Variants in TRDN observed in about 807,000 individuals in gnomAD.
TRDN encodes the protein triadin, also known as triadin in skeletal muscle.
TRDN carries 161 observed loss-of-function variants against 149.7 expected under a neutral mutation model. The observed-to-expected ratio is 1.08, with a 90% CI of 0.95 to 1.23. The LOEUF is 1.23. Ranked by LOEUF, TRDN falls within the 50% of genes most tolerant of loss-of-function variation. The probability of loss-of-function intolerance (pLI) is 0.00; values close to 1 mark genes in which losing one functional copy is unlikely to be tolerated. For synonymous variants in TRDN, 294 were observed against 250.5 expected (o/e 1.17, Z -1.64); for missense variants, 896 against 823.5 (o/e 1.09, Z -1.08).
intron 10 of TRDN, among the ~76,000 whole-genome samples, chr6:123,461,207 A>T (rs189468160): frequency 5.9e-5 from 9 of 152,284 alleles, no homozygotes; most frequent in African/African-American, 2.2e-4. Flanking sequence ...TAAGAAGTCA[A>T]TTGATTTGTC....
Position 123,276,063 on chromosome 6 carries a change from A to G in TRDN, c.1568-1393T>C, listed in dbSNP as rs1246663537. Among the ~76,000 whole-genome samples, 3 of 152,124 alleles carry G rather than the reference A, an allele frequency of 2.0e-5. No homozygotes were observed. In the East Asian group the frequency reaches 5.8e-4, roughly 29 times the overall value. On this transcript the variant is annotated intron_variant, in intron 26 of 40. Transcript: ENST00000334268. ...GGGGAAGACAGCAGGCTAGCTGAAC[A>G]CTGCACGGAGCCTCTTTTATAATGG...
rs1323553340 is a variant in TRDN at position 123,426,214 on chromosome 6, T to C, written c.1051+11849A>G. Among the ~76,000 whole-genome samples, 4 of 152,160 alleles carry C rather than the reference T, an allele frequency of 2.6e-5. No homozygotes were observed. In the East Asian group the frequency reaches 7.7e-4, roughly 29 times the overall value. On this transcript the variant is annotated intron_variant, in intron 12 of 40. Coordinates refer to ENST00000334268, the MANE Select transcript of TRDN (RefSeq NM_006073.4). ...GTCAGAGCTTGTGAGAGATCTCTTCTAATTTTTATTTTCTGAGAAAAAAAG... is the reference window on the plus strand; with the variant it reads ...GTCAGAGCTTGTGAGAGATCTCTTCCAATTTTTATTTTCTGAGAAAAAAAG...
At chr6:123,617,357 GT>G (rs1583330120) in intron 1 of TRDN, among the ~76,000 whole-genome samples, 1 of 152,146 alleles carries the variant, frequency 6.6e-6, no homozygotes, top group East Asian at 1.9e-4. Flanking sequence ...ACAAGTCACA[GT>G]TTGTATTTCA....
At chr6:123,526,313 T>C (rs1779946288) in intron 5 of TRDN, among the ~76,000 whole-genome samples, 1 of 151,864 alleles carries the variant, frequency 6.6e-6, no homozygotes, top group South Asian at 2.1e-4. Context: ...TATGTACAAA[T>C]GCAAGCAGAT....
chr6:123,264,074 A>G (rs1475136205), intron 33 of TRDN, among the ~76,000 whole-genome samples: 1 of 152,084 alleles, frequency 6.6e-6, no homozygotes, highest in Admixed American at 6.6e-5. Context: ...CACAACATAC[A>G]TTCTGCAGCC....
intron 9 of TRDN, among the ~76,000 whole-genome samples, chr6:123,467,445 T>G (rs1218595888): frequency 1.3e-5 from 2 of 152,108 alleles, no homozygotes; most frequent in Non-Finnish European, 2.9e-5. Context: ...AATGCTCTTT[T>G]TATTCTGCTC....
chr6:123,473,568 C>T (rs1440827532), intron 9 of TRDN, among the ~76,000 whole-genome samples: 7 of 151,706 alleles, frequency 4.6e-5, no homozygotes, highest in Non-Finnish European at 7.4e-5. Flanking sequence ...GGCAGGCCAA[C>T]GTTCAGATTC....
At chr6:123,247,024 C>A (rs191749945) in intron 38 of TRDN, among the ~76,000 whole-genome samples, 9 of 152,016 alleles carry the variant, frequency 5.9e-5, no homozygotes, top group East Asian at 1.9e-4. Flanking sequence ...TCAATAGATG[C>A]GGAAAAGTCC....
At chr6:123,465,555 GTC>G (rs1402819160) in intron 9 of TRDN, among the ~76,000 whole-genome samples, 2 of 127,334 alleles carry the variant, frequency 1.6e-5, no homozygotes, top group Non-Finnish European at 3.2e-5. Flanking sequence ...CTTCTCTCAA[GTC>G]TCTGTCTGAG....
intron 12 of TRDN, among the ~76,000 whole-genome samples, chr6:123,414,270 A>G (rs1773560531): frequency 1.3e-5 from 2 of 152,266 alleles, no homozygotes; most frequent in Admixed American, 1.3e-4. Context: ...TTTTTTAAAA[A>G]AATTCTAGAA....
chr6:123,247,378 G>A (rs1214608232), intron 38 of TRDN, among the ~76,000 whole-genome samples: 2 of 152,166 alleles, frequency 1.3e-5, no homozygotes, highest in Non-Finnish European at 2.9e-5. Flanking sequence ...AACTCATTTA[G>A]CTAATAAGCA....
Position 123,398,037 on chromosome 6 carries a change from C to T in TRDN, c.1052-4360G>A, listed in dbSNP as rs78769419. ...TATTTCTTTTTGAAATGGTGTCTCA[C>T]TCCGTCGCCCAGGCTGGCGTGCAGT... On this transcript the variant is annotated intron_variant, in intron 12 of 40. Transcript: ENST00000334268. 1.6e-3 allele frequency among the ~76,000 whole-genome samples: 244 copies of T among 152,358 alleles called. 4 individuals carry two copies. In the East Asian group the frequency reaches 0.044, roughly 28 times the overall value.
intron 12 of TRDN, among the ~76,000 whole-genome samples, chr6:123,425,525 A>G (rs1352843859): frequency 6.6e-6 from 1 of 152,054 alleles, no homozygotes; most frequent in Non-Finnish European, 1.5e-5. Flanking sequence ...TGAGCCCTAG[A>G]GTGCTTCCAA....
In TRDN at chr6:123,528,700, T is replaced by A. The variant is rs937208396; in HGVS notation, c.484+1806A>T. The stretch of plus-strand genomic sequence containing the variant: ...GAGCAGTTGTAAAGCAAAACATTTA[T>A]TTTCACTGAACTATTTGAGAATAAA... On this transcript the variant is annotated intron_variant, in intron 5 of 40. Transcript: ENST00000334268. The A allele has an allele frequency of 1.2e-4, 122 of 987,602 alleles. 1 individual carries two copies. Among genetic ancestry groups the A allele is most frequent in the Admixed American group, 4.8e-4 (8 of 16,728 alleles). 61.2% of individuals were successfully genotyped at this position (987,602 alleles called of 1,614,324 possible).
intron 38 of TRDN, among the ~76,000 whole-genome samples, chr6:123,242,873 T>C (rs1776039541): frequency 6.6e-6 from 1 of 152,018 alleles, no homozygotes; most frequent in South Asian, 2.1e-4. Flanking sequence ...CTGAAGATTA[T>C]GCAAAGGCAT....
At chr6:123,526,102 TA>T (rs1318739011) in intron 5 of TRDN, among the ~76,000 whole-genome samples, 1 of 152,022 alleles carries the variant, frequency 6.6e-6, no homozygotes, top group Non-Finnish European at 1.5e-5. Context: ...TCTACCAAGA[TA>T]AGTACTGCCA....
chr6:123,455,748 T>C (rs13205992), intron 10 of TRDN, among the ~76,000 whole-genome samples: 25,688 of 152,154 alleles, frequency 0.17, 2,330 homozygotes, highest in South Asian at 0.28. Context: ...TAAGCTTTCC[T>C]AAAGTGTCTT....
chr6:123,517,009 C>A (rs1001999093), intron 5 of TRDN, among the ~76,000 whole-genome samples: 1 of 152,098 alleles, frequency 6.6e-6, no homozygotes, highest in African/African-American at 2.4e-5. Flanking sequence ...AGAACACTTG[C>A]TATGTGCTAA....
chr6:123,464,559 A>G (rs568934359), intron 10 of TRDN: 1 of 1,016,616 alleles, frequency 9.8e-7, no homozygotes, highest in African/African-American at 1.7e-5. Flanking sequence ...CAAATCTGGC[A>G]CCAGCCTCTT....
Sources: allele counts gnomAD v4.1 joint callset (sites outside exome capture counted in the v4.1 genomes callset), GRCh38; gene constraint gnomAD v4.1.1; transcripts MANE v1.5; gene names NCBI Gene and HGNC (gene_info 2026-07-23, HGNC 2026-07-21).